Variants in ZNF785 observed in about 807,000 individuals in gnomAD.
The protein encoded by ZNF785 is zinc finger protein 785.
Under a neutral mutation model 11.3 loss-of-function variants are expected in ZNF785, and 15 were observed. The ratio of observed to expected loss-of-function variants is 1.32; its 90% CI spans 0.89 to 2.04. The LOEUF is 2.04. Among genes scored for constraint, ZNF785 ranks in the 30% most tolerant of loss-of-function variants. The pLI is 0.00. For missense variants in ZNF785, 572 were observed against 560.9 expected (o/e 1.02, Z -0.20); for synonymous variants, 221 against 231.0 (o/e 0.96, Z 0.39).
In ZNF785 at chr16:30,585,101, C is replaced by A; in HGVS notation, c.334+21G>T. ...GGCGGGGGTTGGGGCTTCTCCACGG[C>A]TACTTATCCAAATGAAGTACCTGCT... On this transcript the variant is annotated intron_variant, in intron 2 of 2. Coordinates refer to ENST00000395216, the MANE Select transcript of ZNF785 (RefSeq NM_152458.7). The surrounding 1 kb of genome is among the most constrained non-coding windows in gnomAD (Gnocchi z 4.0). 1.3e-6 allele frequency: 2 copies of A among 1,597,462 alleles called. No individual in the cohort carries two copies. The highest frequency in any genetic ancestry group is 2.2e-5 in the South Asian group (2 of 89,940).
At position 30,582,982 on chromosome 16, in the gene ZNF785, T is replaced by G. The variant is rs1194190405; in HGVS notation, c.796A>C (p.Thr266Pro). The stretch of plus-strand genomic sequence containing the variant: ...TGGATGGCCAGCAGGTAGGGGTAAG[T>G]GAAGCGACTCTTGCAGTCTGAGCAC... ...YACSDCKSRF[T>P]YPYLLAIHQR... The change falls in exon 3 of 3, where the codon ACT becomes CCT. Residue 266 changes from threonine (T) to proline (P), a missense_variant. Physicochemically the swap from Thr to Pro is conservative, Grantham distance 38. Coordinates refer to ENST00000395216, the MANE Select transcript of ZNF785 (RefSeq NM_152458.7). 1.9e-6 allele frequency: 3 copies of G among 1,613,734 alleles called. No individual in the cohort carries two copies. The highest frequency in any genetic ancestry group is 2.5e-6 in the Non-Finnish European group (3 of 1,179,956).
chr16:30,583,531 G>A lies in ZNF785; in HGVS notation c.335-88C>T, dbSNP rs570237690. 1.3e-5 allele frequency: 19 copies of A among 1,492,372 alleles called. No homozygotes were observed. In the South Asian group the frequency reaches 2.2e-4, roughly 17 times the overall value. 92.4% of individuals were successfully genotyped at this position (1,492,372 alleles called of 1,614,324 possible). Reference sequence around the variant, plus strand: ...TAAAGTCAAAACCAGCATATTCCGGGACCATGTCCTGCCTTGGAAGGCAGC... The same window carrying A: ...TAAAGTCAAAACCAGCATATTCCGGAACCATGTCCTGCCTTGGAAGGCAGC... On this transcript the variant is annotated intron_variant, in intron 2 of 2. Coordinates refer to ENST00000395216, the MANE Select transcript of ZNF785 (RefSeq NM_152458.7).
chr16:30,584,941 G>T (rs2051868591), intron 2 of ZNF785, among the ~76,000 whole-genome samples, 181 bp downstream of exon 2: 1 of 152,024 alleles, frequency 6.6e-6, no homozygotes, highest in African/African-American at 2.4e-5. Context: ...TGGTTAATCG[G>T]TTCCATAGAT....
At position 30,585,563 on chromosome 16, in the gene ZNF785, C is replaced by T. The variant is rs551359434; in HGVS notation, c.49G>A (p.Gly17Arg). The change falls in exon 1 of 3, where the codon GGG (glycine) becomes AGG (arginine). Residue 17 changes from glycine to arginine, a missense_variant. By Grantham distance (125) the Gly-to-Arg change is moderately radical. Coordinates refer to ENST00000395216, the MANE Select transcript of ZNF785 (RefSeq NM_152458.7). This position sits in a 1 kb window ranked among gnomAD's most constrained non-coding sequence, Gnocchi z 4.0. ...CTGCTTTCCCTCGTCCTCCGGGGCC[C>T]GGCCTCCCCGGGTACGTGGGCCGGG... ...PRPAHVPGEA[G>R]PRRTRESRPG... The T allele has an allele frequency of 3.2e-6, 5 of 1,551,978 alleles. No homozygotes were observed. The Admixed American group carries it at 7.8e-5, about 24-fold the overall frequency.
rs772342212 is a variant in ZNF785, at chr16:30,583,456, AGAT to A, written c.335-16_335-14del. ...CCATCCCTGGATCCTGAAACAGGGA[AGAT>A]GATAAAATCAGAAACTCATCCCTGG... On this transcript the variant is annotated splice_polypyrimidine_tract_variant and intron_variant, in intron 2 of 2. Coordinates refer to ENST00000395216, the MANE Select transcript of ZNF785 (RefSeq NM_152458.7). The A allele has an allele frequency of 1.1e-5, 16 of 1,522,484 alleles. No individual in the cohort carries two copies. In the Admixed American group the frequency reaches 3.5e-4, roughly 34 times the overall value. The allele number at this position is 1,522,484 out of a possible 1,614,324, so 94.3% of individuals were successfully genotyped here. A position where few individuals can be genotyped will look rare whatever the true frequency, so the allele number is the denominator to read the frequency against.
Position 30,581,665 on chromosome 16 carries a change from TGA to T in ZNF785, c.*893_*894del, listed in dbSNP as rs749241187. On this transcript the variant is annotated 3_prime_UTR_variant, in exon 3 of 3. Transcript: ENST00000395216. ...TTTGATAGTTTGTGCACTTGCAGAA[TGA>T]GAGTGGGGGGGGAGTTCCCCACCTG... The T allele has an allele frequency of 1.3e-5, 2 of 152,166 alleles. No individual in the cohort carries two copies. The highest frequency in any genetic ancestry group is 2.9e-5 in the Non-Finnish European group (2 of 68,064). 9.4% of individuals were successfully genotyped at this position (152,166 alleles called of 1,614,324 possible).
At chr16:30,583,685 A>T (rs1213926721) in intron 2 of ZNF785, 15 of 436,492 alleles carry the variant, frequency 3.4e-5, no homozygotes, top group Non-Finnish European at 6.0e-5. Flanking sequence ...GGCCCTGAGC[A>T]CTGGAGATAA....
At chr16:30,579,196 A>G (rs1217618552), downstream of ZNF785, 1 of 152,616 alleles carries the variant, frequency 6.6e-6, no homozygotes, top group Non-Finnish European at 1.5e-5. Flanking sequence ...TAAAATGGAT[A>G]AATGAATGGA....
intron 2 of ZNF785, among the ~76,000 whole-genome samples, chr16:30,584,307 G>A (rs115835105): frequency 0.021 from 3,149 of 152,154 alleles, 104 homozygotes; most frequent in African/African-American, 0.07. Context: ...TTTGGTACCA[G>A]CTCAAATTCT....
chr16:30,579,935 T>G (rs2051784838), downstream of ZNF785: 16 of 447,466 alleles, frequency 3.6e-5, no homozygotes, highest in South Asian at 2.4e-4. Context: ...TCGCCCAGGC[T>G]GGAGTGCAGT....
rs1018572691 is a variant in ZNF785, at chr16:30,581,244, A to C, written c.*1316T>G. 2.0e-5 allele frequency: 3 copies of C among 152,038 alleles called. No individual in the cohort carries two copies. Among genetic ancestry groups the C allele is most frequent in the Non-Finnish European group, 4.4e-5 (3 of 68,038 alleles). The allele number at this position is 152,038 out of a possible 1,614,324, so 9.4% of individuals were successfully genotyped here. A position where few individuals can be genotyped will look rare whatever the true frequency, so the allele number is the denominator to read the frequency against. ...GGAGGCCGAGGCGGGAGGATCACGA[A>C]GTCAGGAGATCGAGACCATCCTGGC... On this transcript the variant is annotated 3_prime_UTR_variant, in exon 3 of 3. Coordinates refer to ENST00000395216, the MANE Select transcript of ZNF785 (RefSeq NM_152458.7).
chr16:30,578,447 T>A (rs2051767963), downstream of ZNF785: 1 of 152,236 alleles, frequency 6.6e-6, no homozygotes, highest in South Asian at 2.1e-4. Context: ...TCACACAACA[T>A]ACAGGAGATG....
chr16:30,579,898 GTTTTT>G (rs774931818), downstream of ZNF785: 5 of 453,446 alleles, frequency 1.1e-5, no homozygotes, highest in Non-Finnish European at 1.8e-5. Context: ...GTTTTGTTTT[GTTTTT>G]TGAGACTGGA....
Position 30,585,419 on chromosome 16 carries a change from G to T in ZNF785, c.193C>A (p.Leu65Met), listed in dbSNP as rs772041380. ...RDVMRETFGH[L>M]GALGFSVPKP... The stretch of plus-strand genomic sequence containing the variant: ...GGCCCGGCCTCACCCAGCGCGCCCA[G>T]GTGGCCGAAGGTCTCCCGCATCACG... Residue 65 changes from leucine to methionine, a missense_variant, in exon 1 of 3, where the codon CTG becomes ATG. Transcript: ENST00000395216. This position sits in a 1 kb window ranked among gnomAD's most constrained non-coding sequence, Gnocchi z 4.0. The T allele has an allele frequency of 3.8e-6, 6 of 1,591,344 alleles. No individual in the cohort carries two copies. In the South Asian group the frequency reaches 6.8e-5, roughly 18 times the overall value.
chr16:30,583,387 C>G lies in ZNF785; in HGVS notation c.391G>C (p.Glu131Gln). 8 of 1,604,064 alleles carry G rather than the reference C, an allele frequency of 5.0e-6. No homozygotes were observed. Among genetic ancestry groups the G allele is most frequent in the Non-Finnish European group, 5.1e-6 (6 of 1,174,856 alleles). The change falls in exon 3 of 3, where the codon GAG becomes CAG. Residue 131 changes from glutamate (E) to glutamine (Q), a missense_variant. Coordinates refer to ENST00000395216, the MANE Select transcript of ZNF785 (RefSeq NM_152458.7). Reference protein sequence around the residue: ...ERLKKCPKQKEVAHEVAVKEW... With the variant: ...ERLKKCPKQKQVAHEVAVKEW... ...TTGACAGCCACTTCATGCGCCACCT[C>G]TTTTTGTTTTGGACACTTCTTCAGC...
chr16:30,584,322 G>A (rs1406693957), intron 2 of ZNF785, among the ~76,000 whole-genome samples: 2 of 151,950 alleles, frequency 1.3e-5, no homozygotes, highest in Admixed American at 6.6e-5. Context: ...AATTCTTTTG[G>A]CACCTTTCCT....
downstream of ZNF785, chr16:30,579,756 C>A: frequency 2.2e-6 from 1 of 453,678 alleles, no homozygotes. Flanking sequence ...AGTCACTGAC[C>A]ACCAGTCCTG....
chr16:30,578,838 T>C (rs1463937824), downstream of ZNF785: 1 of 151,140 alleles, frequency 6.6e-6, no homozygotes, highest in Non-Finnish European at 1.5e-5. Flanking sequence ...GCTCTTTTTT[T>C]TTTTTAATAG....
At position 30,585,006 on chromosome 16, in the gene ZNF785, G is replaced by T; in HGVS notation, c.334+116C>A. On this transcript the variant is annotated intron_variant, in intron 2 of 2. Coordinates refer to ENST00000395216, the MANE Select transcript of ZNF785 (RefSeq NM_152458.7). The surrounding 1 kb of genome is among the most constrained non-coding windows in gnomAD (Gnocchi z 4.0). ...TGCAGTGAGATGAGGACGTTTCTGG[G>T]GTAGGGTGCAGGGAGACAGGATGGG... 1 of 1,375,776 alleles carries T rather than the reference G, an allele frequency of 7.3e-7. No homozygotes were observed. Among genetic ancestry groups the T allele is most frequent in the Non-Finnish European group, 9.7e-7 (1 of 1,027,952 alleles). 85.2% of individuals were successfully genotyped at this position (1,375,776 alleles called of 1,614,324 possible). A position where few individuals can be genotyped will look rare whatever the true frequency, so the allele number is the denominator to read the frequency against.
Sources: allele counts gnomAD v4.1 joint callset (sites outside exome capture counted in the v4.1 genomes callset), GRCh38; gene constraint gnomAD v4.1.1; non-coding constraint Gnocchi (gnomAD v3.1); transcripts MANE v1.5; gene names NCBI Gene and HGNC (gene_info 2026-07-23, HGNC 2026-07-21).